CARMIL1: variants seen among roughly 807,000 people sequenced by gnomAD.
CARMIL1 encodes the protein F-actin-uncapping protein LRRC16A.
CARMIL1 carries 90 observed loss-of-function variants against 177.1 expected under a neutral mutation model. The ratio of observed to expected loss-of-function variants is 0.51; its 90% confidence interval spans 0.43 to 0.61. The LOEUF is 0.61. Ranked by LOEUF, CARMIL1 falls within the 20% of genes least tolerant of loss-of-function variation. The pLI is 0.00. For missense variants in CARMIL1, 1,380 were observed against 1,667.0 expected (o/e 0.83, Z 3.00); for synonymous variants, 577 against 606.2 (o/e 0.95, Z 0.71).
chr6:25,420,112 A>G lies in CARMIL1; in HGVS notation c.139-2A>G. The G allele has an allele frequency of 6.2e-7, 1 of 1,612,430 alleles. No individual in the cohort carries two copies. The highest frequency in any genetic ancestry group is 8.5e-7 in the Non-Finnish European group (1 of 1,178,526). On this transcript the variant is annotated splice_acceptor_variant, in intron 2 of 36. Coordinates refer to ENST00000329474, the MANE Select transcript of CARMIL1 (RefSeq NM_017640.6). LOFTEE classifies it high-confidence loss of function. Reference sequence around the variant, plus strand: ...ACTGATGCTGCTGCTTCTGTCTTACAGGTCCTTACATCATGCCGAGCCTTC... The same window carrying G: ...ACTGATGCTGCTGCTTCTGTCTTACGGGTCCTTACATCATGCCGAGCCTTC...
chr6:25,463,451 T>C (rs539455634), intron 8 of CARMIL1, among the ~76,000 whole-genome samples: 7 of 152,296 alleles, frequency 4.6e-5, no homozygotes, highest in African/African-American at 1.7e-4. Context: ...TTCCGTAGAG[T>C]GATGTGCCTT....
intron 5 of CARMIL1, among the ~76,000 whole-genome samples, chr6:25,440,084 T>C (rs1797600565): frequency 6.6e-6 from 1 of 152,088 alleles, no homozygotes; most frequent in African/African-American, 2.4e-5. Context: ...CTGACTGAGG[T>C]TTTGGATGAG....
At position 25,388,642 on chromosome 6, in the gene CARMIL1, G is replaced by T; in HGVS notation, c.139-31472G>T. 1.3e-5 allele frequency among the ~76,000 whole-genome samples: 2 copies of T among 152,114 alleles called. 1 individual carries two copies. Among genetic ancestry groups the T allele is most frequent in the Non-Finnish European group, 2.9e-5 (2 of 68,026 alleles). ...GCCTCCCAAAGTGCTGGGATTACAGGCATAAGCCACCGCACCTGGCCTTTT... is the reference window on the plus strand; with the variant it reads ...GCCTCCCAAAGTGCTGGGATTACAGTCATAAGCCACCGCACCTGGCCTTTT... On this transcript the variant is annotated intron_variant, in intron 2 of 36. Transcript: ENST00000329474.
chr6:25,383,677 A>G (rs949980243), intron 2 of CARMIL1: 29 of 152,324 alleles, frequency 1.9e-4, no homozygotes, highest in Middle Eastern at 3.4e-3. Context: ...GATGACATGC[A>G]AATTTGTGAA....
chr6:25,550,946 C>T lies in CARMIL1; in HGVS notation c.2365C>T (p.Leu789Phe). 6.2e-7 allele frequency: 1 copy of T among 1,613,482 alleles called. No homozygotes were observed. The highest frequency in any genetic ancestry group is 1.7e-5 in the Admixed American group (1 of 59,990). The change falls in exon 27 of 37, where the codon CTT becomes TTT. Residue 789 changes from leucine to phenylalanine, a missense_variant. Coordinates refer to ENST00000329474, the MANE Select transcript of CARMIL1 (RefSeq NM_017640.6). ...LESMVDAAEN[L>F]CPNVMKKAHI... Reference sequence around the variant, plus strand: ...GTCCATGGTTGATGCTGCTGAGAATCTTTGTCCCAATGTGATGAAAAAAGC... The same window carrying T: ...GTCCATGGTTGATGCTGCTGAGAATTTTTGTCCCAATGTGATGAAAAAAGC...
chr6:25,352,182 G>A lies in CARMIL1; in HGVS notation c.138+67273G>A, dbSNP rs533692033. 2.0e-5 allele frequency among the ~76,000 whole-genome samples: 3 copies of A among 151,952 alleles called. No homozygotes were observed. In the South Asian group the frequency reaches 6.2e-4, roughly 32 times the overall value. On this transcript the variant is annotated intron_variant, in intron 2 of 36. Transcript: ENST00000329474. The stretch of plus-strand genomic sequence containing the variant: ...AAAAAAAAAAAAGTATTCATCTATA[G>A]GTGACTACATAAATGACCCCAGATA...
intron 29 of CARMIL1, among the ~76,000 whole-genome samples, chr6:25,579,920 T>A (rs938448764): frequency 2.0e-5 from 3 of 152,206 alleles, no homozygotes; most frequent in Non-Finnish European, 4.4e-5. Flanking sequence ...TGAGGAAGCA[T>A]TAGATGAAAA....
chr6:25,292,104 A>G (rs534954910), intron 2 of CARMIL1, among the ~76,000 whole-genome samples: 84 of 152,316 alleles, frequency 5.5e-4, no homozygotes, highest in Non-Finnish European at 1.1e-3. Flanking sequence ...TGTAGACTGC[A>G]ATGTCTTCTG....
intron 2 of CARMIL1, among the ~76,000 whole-genome samples, chr6:25,395,362 T>G (rs1450968505): frequency 6.6e-6 from 1 of 152,234 alleles, no homozygotes; most frequent in Non-Finnish European, 1.5e-5. Flanking sequence ...TTGACACCGC[T>G]GAAAATTTAG....
intron 24 of CARMIL1, among the ~76,000 whole-genome samples, chr6:25,533,848 A>AT (rs1423168320): frequency 1.3e-5 from 2 of 151,866 alleles, no homozygotes; most frequent in Non-Finnish European, 2.9e-5. Context: ...CTTCCCAATT[A>AT]TTTTTTTCAG....
At chr6:25,581,585 A>T in intron 31 of CARMIL1, 146 bp downstream of exon 31, 1 of 688,800 alleles carries the variant, frequency 1.5e-6, no homozygotes, top group Non-Finnish European at 2.4e-6. Context: ...TATACAAAGT[A>T]TCTCAACTTG....
At chr6:25,416,536 T>C (rs932643753) in intron 2 of CARMIL1, among the ~76,000 whole-genome samples, 2 of 152,208 alleles carry the variant, frequency 1.3e-5, no homozygotes, top group Admixed American at 6.5e-5. Flanking sequence ...ACTCAACAGG[T>C]ACTGGCAATT....
intron 2 of CARMIL1, among the ~76,000 whole-genome samples, chr6:25,302,956 G>A (rs1005218389): frequency 5.9e-5 from 9 of 152,134 alleles, no homozygotes; most frequent in African/African-American, 2.2e-4. Context: ...TTGTACCACT[G>A]TCTCAGGAAT....
intron 29 of CARMIL1, among the ~76,000 whole-genome samples, chr6:25,561,301 G>A (rs1161984836): frequency 6.6e-6 from 1 of 152,038 alleles, no homozygotes; most frequent in African/African-American, 2.4e-5. Context: ...CAGAAGTTTG[G>A]GATTTAAGTA....
At chr6:25,584,613 G>A (rs533972453) in intron 31 of CARMIL1, among the ~76,000 whole-genome samples, 2 of 152,088 alleles carry the variant, frequency 1.3e-5, no homozygotes, top group East Asian at 3.9e-4. Flanking sequence ...TAAGTTTGAT[G>A]AAGTGGATAG....
intron 2 of CARMIL1, chr6:25,350,574 A>C (rs1271781635): frequency 5.9e-5 from 9 of 152,228 alleles, no homozygotes; most frequent in Non-Finnish European, 1.2e-4. Flanking sequence ...TGTTTGCCTC[A>C]AGTTATTAGG....
chr6:25,587,887 A>G (rs566223049), intron 31 of CARMIL1, among the ~76,000 whole-genome samples: 117 of 152,336 alleles, frequency 7.7e-4, no homozygotes, highest in Non-Finnish European at 1.4e-3. Flanking sequence ...CAGCTACAAC[A>G]GAGAAAAGGG....
intron 8 of CARMIL1, among the ~76,000 whole-genome samples, chr6:25,463,204 G>T (rs745644850): frequency 6.6e-6 from 1 of 152,016 alleles, no homozygotes; most frequent in South Asian, 2.1e-4. Flanking sequence ...TGCTAACAAG[G>T]TATCCTTATG....
intron 17 of CARMIL1, among the ~76,000 whole-genome samples, chr6:25,506,546 A>C (rs1804934144): frequency 6.6e-6 from 1 of 152,162 alleles, no homozygotes; most frequent in Non-Finnish European, 1.5e-5. Context: ...CGTCTCAAAC[A>C]AACAAACAAA....
Sources: allele counts gnomAD v4.1 joint callset (sites outside exome capture counted in the v4.1 genomes callset), GRCh38; gene constraint gnomAD v4.1.1; transcripts MANE v1.5; gene names NCBI Gene and HGNC (gene_info 2026-07-23, HGNC 2026-07-21).